Variants in USP54 observed in about 807,000 individuals in gnomAD.
The protein encoded by USP54 is ubiquitin carboxyl-terminal hydrolase 54.
Under a neutral mutation model 170.5 loss-of-function variants are expected in USP54, and 87 were observed. The ratio of observed to expected loss-of-function variants is 0.51; its 90% CI spans 0.43 to 0.61. The LOEUF (loss-of-function observed/expected upper bound fraction) is 0.61, where lower values mean the gene tolerates loss of function less well. USP54 is among the 20% of genes least tolerant of loss of function. The pLI, the probability that USP54 is intolerant of heterozygous loss-of-function variation, is 0.00. For synonymous variants in USP54, 655 were observed against 742.8 expected, an observed-to-expected ratio of 0.88 and a Z score of 1.92; for missense variants, 1,786 against 2,047.8, an observed-to-expected ratio of 0.87 and a Z score of 2.47.
chr10:73,574,434 G>T (rs1390559245), intron 3 of USP54, among the ~76,000 whole-genome samples: 12 of 152,240 alleles, frequency 7.9e-5, no homozygotes, highest in Admixed American at 7.2e-4. Flanking sequence ...CTTGTGGAAA[G>T]AATTTTGCTT....
At chr10:73,608,037 G>A in intron 1 of USP54, among the ~76,000 whole-genome samples, 1 of 151,958 alleles carries the variant, frequency 6.6e-6, no homozygotes. Context: ...CAAGGCGGGT[G>A]GATCACGAAG....
rs181530178 is a variant in USP54 at position 73,528,437 on chromosome 10, T to C, written c.2060+1243A>G. Among the ~76,000 whole-genome samples, 956 of 151,284 alleles carry C rather than the reference T, an allele frequency of 6.3e-3. 5 individuals are homozygous for C. The highest frequency in any genetic ancestry group is 9.1e-3 in the Non-Finnish European group (616 of 67,898). ...CGGCTAATTTTTGTTTTTGTATCTT[T>C]AGTAGAGACGGGGTTTCACCATGTT... On this transcript the variant is annotated intron_variant, in intron 15 of 23. Coordinates refer to ENST00000687698, the MANE Select transcript of USP54 (RefSeq NM_001391956.1).
At chr10:73,511,890 G>A (rs373733213) in intron 20 of USP54, among the ~76,000 whole-genome samples, 1 of 150,424 alleles carries the variant, frequency 6.6e-6, no homozygotes, top group African/African-American at 2.4e-5. Flanking sequence ...TTACAGGCAC[G>A]TGCCACAATA....
intron 4 of USP54, among the ~76,000 whole-genome samples, chr10:73,566,416 T>C (rs903305447): frequency 6.6e-6 from 1 of 151,714 alleles, no homozygotes; most frequent in Non-Finnish European, 1.5e-5. Context: ...AGAATAAATA[T>C]ATAGGTAGTA....
At chr10:73,603,251 C>T (rs766702064) in intron 1 of USP54, among the ~76,000 whole-genome samples, 1 of 151,610 alleles carries the variant, frequency 6.6e-6, no homozygotes, top group Non-Finnish European at 1.5e-5. Context: ...TGCTGGATGG[C>T]GATTATAAAG....
At chr10:73,536,197 TTAAC>T (rs2065178190) in intron 11 of USP54, 68 bp downstream of exon 11, 1 of 1,568,602 alleles carries the variant, frequency 6.4e-7, no homozygotes, top group Non-Finnish European at 8.7e-7. Flanking sequence ...AAGCACATAA[TTAAC>T]TATGAGTCCC....
upstream of USP54, among the ~76,000 whole-genome samples, chr10:73,595,500 C>T (rs973730260): frequency 2.2e-5 from 3 of 137,594 alleles, no homozygotes; most frequent in Admixed American, 2.0e-4. Flanking sequence ...TAATCACAGA[C>T]CTGAGCAGCA....
intron 1 of USP54, among the ~76,000 whole-genome samples, chr10:73,621,180 A>T (rs2081057829): frequency 6.7e-6 from 1 of 149,834 alleles, no homozygotes. Flanking sequence ...TAATACAAAG[A>T]TGTAAAATTT....
At chr10:73,611,557 A>C (rs1428170772) in intron 1 of USP54, 1 of 151,698 alleles carries the variant, frequency 6.6e-6, no homozygotes, top group African/African-American at 2.4e-5. Flanking sequence ...TTGGGAGGCC[A>C]AGGCAGGTGC....
chr10:73,529,294 C>G lies in USP54; in HGVS notation c.2060+386G>C, dbSNP rs114667992. The G allele has an allele frequency of 3.0e-3, 780 of 256,430 alleles. 4 individuals carry two copies. Among genetic ancestry groups the G allele is most frequent in the African/African-American group, 0.017 (733 of 43,916 alleles). The allele number at this position is 256,430 out of a possible 1,614,324, so 15.9% of individuals were successfully genotyped here. On this transcript the variant is annotated intron_variant, in intron 15 of 23. Coordinates refer to ENST00000687698, the MANE Select transcript of USP54 (RefSeq NM_001391956.1). ...AGGGGAACAACAGACACAGGCCTATCGGAGGGTGGAGGGTGGGAGGAAAGA... is the reference window on the plus strand; with the variant it reads ...AGGGGAACAACAGACACAGGCCTATGGGAGGGTGGAGGGTGGGAGGAAAGA...
At chr10:73,619,404 CT>C (rs201525772) in intron 1 of USP54, among the ~76,000 whole-genome samples, 5,351 of 148,842 alleles carry the variant, frequency 0.036, 189 homozygotes, top group South Asian at 0.11. Flanking sequence ...AAATTTTTCA[CT>C]TTTTTTTGTA....
intron 1 of USP54, among the ~76,000 whole-genome samples, chr10:73,607,345 A>T (rs1052461614): frequency 2.1e-4 from 32 of 151,780 alleles, no homozygotes; most frequent in Admixed American, 1.6e-3. Flanking sequence ...AAGAAAAAAA[A>T]AAATAAACAG....
At chr10:73,500,119 C>T (rs1170148318) in intron 23 of USP54, among the ~76,000 whole-genome samples, 2 of 152,150 alleles carry the variant, frequency 1.3e-5, no homozygotes, top group Non-Finnish European at 2.9e-5. Context: ...AAAAAGAGAA[C>T]ATCTCACTCG....
At chr10:73,583,379 G>A (rs1467742626) in intron 1 of USP54, among the ~76,000 whole-genome samples, 6 of 152,138 alleles carry the variant, frequency 3.9e-5, no homozygotes, top group Admixed American at 3.9e-4. Context: ...TCAGTCACCT[G>A]GGTTCAAGCA....
At position 73,520,918 on chromosome 10, in the gene USP54, A is replaced by G. The variant is rs755056398; in HGVS notation, c.2472T>C (p.Asn824=). The G allele has an allele frequency of 6.2e-6, 10 of 1,614,068 alleles. No homozygotes were observed. The highest frequency in any genetic ancestry group is 6.8e-6 in the Non-Finnish European group (8 of 1,180,046). Reference sequence around the variant, plus strand: ...GTTAGAGTTACTTACAGATAGCTTCATTACAGAGAGCCAAAGCTGCAGCAC... The same window carrying G: ...GTTAGAGTTACTTACAGATAGCTTCGTTACAGAGAGCCAAAGCTGCAGCAC... ...GDCAAALALC[N]EAISKLRLAL... The change falls in exon 18 of 24, where the codon AAT becomes AAC. Residue 824 remains asparagine, a synonymous_variant. Transcript: ENST00000687698.
chr10:73,529,637 T>A, intron 15 of USP54, 43 bp downstream of exon 15: 1 of 1,612,034 alleles, frequency 6.2e-7, no homozygotes, highest in African/African-American at 1.3e-5. Context: ...GTGGCTCACA[T>A]TGCTGCAAGA....
chr10:73,621,027 G>A lies in USP54; in HGVS notation c.-18+4540C>T, dbSNP rs150179601. On this transcript the variant is annotated intron_variant, in intron 1 of 22. Transcript: ENST00000339859. ...AAAAATTAGCTGAGCTCGGTGGCAC[G>A]TGCCTGTAATCCCAGCTACTCAGGA... 2.1e-3 allele frequency among the ~76,000 whole-genome samples: 321 copies of A among 150,146 alleles called. 33 individuals are homozygous for A. The highest frequency in any genetic ancestry group is 7.5e-3 in the African/African-American group (298 of 39,646).
chr10:73,507,535 G>A (rs1272638725), intron 20 of USP54, among the ~76,000 whole-genome samples: 5 of 151,668 alleles, frequency 3.3e-5, no homozygotes, highest in South Asian at 4.2e-4. Flanking sequence ...TTAGCCAGGC[G>A]TGGTGGCGGC....
chr10:73,602,649 A>C (rs974250223), intron 1 of USP54, among the ~76,000 whole-genome samples: 4 of 152,124 alleles, frequency 2.6e-5, no homozygotes, highest in Non-Finnish European at 5.9e-5. Flanking sequence ...ACCTGAGGTC[A>C]GGAGTTCAAG....
Sources: gnomAD v4.1 joint callset for allele counts (sites outside exome capture counted in the v4.1 genomes callset) on GRCh38, gnomAD v4.1.1 for gene constraint, MANE v1.5 for transcripts, NCBI Gene and HGNC (gene_info 2026-07-23, HGNC 2026-07-21) for gene names.